The following SULF2 variants were observed in gnomAD, a reference collection of about 807,000 sequenced individuals.
SULF2 encodes extracellular sulfatase Sulf-2.
A neutral mutation model predicts 107.7 loss-of-function variants in SULF2; 52 were observed. The observed-to-expected ratio is 0.48, with a 90% CI of 0.39 to 0.61. The LOEUF (loss-of-function observed/expected upper bound fraction) is 0.61. SULF2 is among the 20% of genes least tolerant of loss of function. SULF2 has a pLI of 0.00. For missense variants in SULF2, 993 were observed against 1,177.3 expected (o/e 0.84, Z 2.29); for synonymous variants, 460 against 464.3 (o/e 0.99, Z 0.12).
intron 1 of SULF2, among the ~76,000 whole-genome samples, chr20:47,762,546 T>C (rs2090438814): frequency 6.6e-6 from 1 of 152,246 alleles, no homozygotes; most frequent in African/African-American, 2.4e-5. Flanking sequence ...GGTTCAAACC[T>C]AGTCTGGCCC....
chr20:47,701,507 G>A (rs2049141251), intron 4 of SULF2, among the ~76,000 whole-genome samples: 1 of 152,174 alleles, frequency 6.6e-6, no homozygotes, highest in South Asian at 2.1e-4. Context: ...ACTGCTGCAG[G>A]TGCTCAGGCA....
In SULF2 at chr20:47,666,090, A is replaced by G. The variant is rs2087257227; in HGVS notation, c.1806-137T>C. The G allele has an allele frequency of 6.2e-7, 1 of 1,605,186 alleles. No homozygotes were observed. The highest frequency in any genetic ancestry group is 8.5e-7 in the Non-Finnish European group (1 of 1,172,952). On this transcript the variant is annotated intron_variant, in intron 12 of 20. Coordinates refer to ENST00000688720, the MANE Select transcript of SULF2 (RefSeq NM_001387048.1). This position sits in a 1 kb window ranked among gnomAD's most constrained non-coding sequence, Gnocchi z 5.4. ...TCGACTTCCACCTGGACACTCACCG[A>G]TGTGTCACTTTAATGGGGTTGGCGG... is the stretch of plus-strand genomic sequence containing the variant.
In SULF2 at chr20:47,663,208, C is replaced by T. The variant is rs1294296370; in HGVS notation, c.2232G>A (p.Gly744=). 6.2e-7 allele frequency: 1 copy of T among 1,614,036 alleles called. No individual in the cohort carries two copies. Among genetic ancestry groups the T allele is most frequent in the East Asian group, 2.2e-5 (1 of 44,890 alleles). The part of the protein sequence containing the change: ...HWQTAPFWTL[G]PFCACTSANN... ...TGGCGCTGGTGCAGGCACAGAAAGG[C>T]CCCACTGCCAAGGAAGAGAGAGCAT... is the stretch of plus-strand genomic sequence containing the variant. The change falls in exon 17 of 21, where the codon GGG becomes GGA. Residue 744 remains glycine (G), a synonymous_variant. Transcript: ENST00000688720.
chr20:47,725,606 T>G (rs563754063), intron 3 of SULF2, among the ~76,000 whole-genome samples: 6 of 152,316 alleles, frequency 3.9e-5, no homozygotes, highest in African/African-American at 1.4e-4. Context: ...GCCGGTGGCC[T>G]GCAGACCAAT....
At chr20:47,730,859 C>T (rs1272318611) in intron 3 of SULF2, among the ~76,000 whole-genome samples, 1 of 152,194 alleles carries the variant, frequency 6.6e-6, no homozygotes, top group Non-Finnish European at 1.5e-5. Context: ...TTGATTTCTA[C>T]CTGGCAGTCC....
upstream of SULF2, chr20:47,785,687 C>T (rs1054632634): frequency 3.1e-4 from 45 of 147,530 alleles, 1 homozygote; most frequent in African/African-American, 1.0e-3. Context: ...GCCCCCCGCT[C>T]GCCTGCCCGC....
chr20:47,701,313 T>G (rs1401207468), intron 4 of SULF2, among the ~76,000 whole-genome samples: 1 of 152,186 alleles, frequency 6.6e-6, no homozygotes, highest in Non-Finnish European at 1.5e-5. Flanking sequence ...CTTCTGGAAG[T>G]GCTCTATGTC....
At chr20:47,701,962 C>T (rs2146596395) in intron 4 of SULF2, among the ~76,000 whole-genome samples, 1 of 152,324 alleles carries the variant, frequency 6.6e-6, no homozygotes, top group Non-Finnish European at 1.5e-5. Flanking sequence ...ATGGTACACT[C>T]TGTGTATGTA....
rs1381870669 is a variant in SULF2, at chr20:47,699,086, A to T, written c.567+3433T>A. Among the ~76,000 whole-genome samples the T allele has an allele frequency of 2.0e-5, 3 of 152,254 alleles. No individual in the cohort carries two copies. The South Asian group carries it at 6.2e-4, about 32-fold the overall frequency. On this transcript the variant is annotated intron_variant, in intron 4 of 20. Coordinates refer to ENST00000688720, the MANE Select transcript of SULF2 (RefSeq NM_001387048.1). ...AATAACTAGCAAGCTTGGAGGTTGAAATGGCTCATACTGGGGATGACAAAA... is the reference window on the plus strand; with the variant it reads ...AATAACTAGCAAGCTTGGAGGTTGATATGGCTCATACTGGGGATGACAAAA...
At chr20:47,695,029 T>C (rs1230742707) in intron 4 of SULF2, among the ~76,000 whole-genome samples, 1 of 152,230 alleles carries the variant, frequency 6.6e-6, no homozygotes, top group South Asian at 2.1e-4. Context: ...GATAACATTA[T>C]TAATGAGAAG....
At chr20:47,781,662 GC>G (rs1420674010) in intron 1 of SULF2, among the ~76,000 whole-genome samples, 1 of 152,042 alleles carries the variant, frequency 6.6e-6, no homozygotes, top group African/African-American at 2.4e-5. Context: ...TGGGTCAGAC[GC>G]CCTGCTAAGC....
intron 2 of SULF2, among the ~76,000 whole-genome samples, chr20:47,737,329 C>A (rs1027107402): frequency 1.3e-5 from 2 of 152,142 alleles, no homozygotes; most frequent in African/African-American, 4.8e-5. Context: ...TTAAACACAA[C>A]ATTGTTTTTG....
intron 2 of SULF2, among the ~76,000 whole-genome samples, chr20:47,745,448 TATATATATAC>T (rs1305172037): frequency 0.024 from 377 of 15,560 alleles, 25 homozygotes; most frequent in Non-Finnish European, 0.03. Flanking sequence ...TATATATATA[TATATATATAC>T]ACATACACAC....
At chr20:47,747,600 G>C (rs2090072757) in intron 2 of SULF2, among the ~76,000 whole-genome samples, 1 of 152,096 alleles carries the variant, frequency 6.6e-6, no homozygotes, top group African/African-American at 2.4e-5. Context: ...CCTGGGAGGG[G>C]ATATTTATTC....
intron 4 of SULF2, among the ~76,000 whole-genome samples, chr20:47,699,888 A>AC (rs1423070610): frequency 2.6e-5 from 4 of 152,112 alleles, no homozygotes; most frequent in Non-Finnish European, 4.4e-5. Flanking sequence ...CACCGTCTCC[A>AC]CCACTCCCTA....
chr20:47,744,906 A>C (rs983045554), intron 2 of SULF2, among the ~76,000 whole-genome samples: 5 of 152,078 alleles, frequency 3.3e-5, no homozygotes, highest in African/African-American at 1.2e-4. Context: ...TTGTATGTTA[A>C]AAGGGTTCAG....
At chr20:47,767,044 A>G (rs536198219) in intron 1 of SULF2, among the ~76,000 whole-genome samples, 125 of 152,088 alleles carry the variant, frequency 8.2e-4, no homozygotes, top group Non-Finnish European at 1.5e-3. Context: ...TACTTGGGGG[A>G]AAATGCCACA....
At chr20:47,659,627 C>A in intron 19 of SULF2, 70 bp downstream of exon 19, 1 of 1,443,020 alleles carries the variant, frequency 6.9e-7, no homozygotes, top group Non-Finnish European at 9.7e-7. Flanking sequence ...TGCAGACTCA[C>A]AGAGATGAGA....
chr20:47,753,136 A>T (rs1054757752), intron 2 of SULF2, among the ~76,000 whole-genome samples: 1 of 151,782 alleles, frequency 6.6e-6, no homozygotes, highest in Non-Finnish European at 1.5e-5. Context: ...AAAGAAAAGA[A>T]ATGCAAACAC....
Sources: allele counts gnomAD v4.1 joint callset (sites outside exome capture counted in the v4.1 genomes callset), GRCh38; gene constraint gnomAD v4.1.1; non-coding constraint Gnocchi (gnomAD v3.1); transcripts MANE v1.5; gene names NCBI Gene and HGNC (gene_info 2026-07-23, HGNC 2026-07-21).